The following PIWIL3 variants were observed in gnomAD, a reference collection of about 807,000 sequenced individuals.
PIWIL3 encodes the protein piwi like RNA-mediated gene silencing 3.
A neutral mutation model predicts 109.7 loss-of-function variants in PIWIL3; 101 were observed. That is an observed-to-expected ratio of 0.92 (90% CI 0.78 to 1.09). PIWIL3 has a LOEUF of 1.09. Ranked by LOEUF, PIWIL3 falls within the 50% of genes least tolerant of loss-of-function variation. PIWIL3 has a pLI of 0.00. For synonymous variants in PIWIL3, 373 were observed against 376.4 expected, an observed-to-expected ratio of 0.99 and a Z score of 0.10; for missense variants, 1,031 against 1,072.6, an observed-to-expected ratio of 0.96 and a Z score of 0.54.
intron 1 of PIWIL3, among the ~76,000 whole-genome samples, chr22:24,766,810 G>A (rs952608808): frequency 5.3e-4 from 81 of 151,956 alleles, no homozygotes; most frequent in Admixed American, 3.3e-3. Flanking sequence ...ATCTGCATGC[G>A]TTCTCAGCTT....
intron 1 of PIWIL3, among the ~76,000 whole-genome samples, chr22:24,763,016 A>G (rs1925535390): frequency 6.6e-6 from 1 of 152,022 alleles, no homozygotes; most frequent in African/African-American, 2.4e-5. Context: ...TTCCGTTACT[A>G]TTACTTCCAA....
chr22:24,744,207 A>C (rs13057149), intron 12 of PIWIL3, among the ~76,000 whole-genome samples: 4,463 of 135,068 alleles, frequency 0.033, 197 homozygotes, highest in South Asian at 0.078. Context: ...AAAAAAAAAA[A>C]CAATGATCTG....
chr22:24,773,226 A>G (rs1343002851), intron 1 of PIWIL3, among the ~76,000 whole-genome samples: 1 of 151,942 alleles, frequency 6.6e-6, no homozygotes, highest in Non-Finnish European at 1.5e-5. Context: ...CTCCATTCCA[A>G]CCATGTGGCT....
rs751534745 is a variant in PIWIL3 at position 24,734,105 on chromosome 22, A to G, written c.1686T>C (p.Tyr562=). ...ANSYIDTLRK[Y]TRPTLQMVIC... is the part of the protein sequence containing the mutation. ...TTACCATCTGCAGTGTTGGTCTAGT[A>G]TATTTCCGTAATGTGTCTATATAGG... Residue 562 remains tyrosine (Y), a synonymous_variant, in exon 14 of 21, where the codon TAT becomes TAC. Transcript: ENST00000616349. 1 of 1,612,702 alleles carries G rather than the reference A, an allele frequency of 6.2e-7. No homozygotes were observed. The highest frequency in any genetic ancestry group is 1.1e-5 in the South Asian group (1 of 90,522).
At chr22:24,768,831 T>C in intron 1 of PIWIL3, among the ~76,000 whole-genome samples, 1 of 152,206 alleles carries the variant, frequency 6.6e-6, no homozygotes, top group East Asian at 1.9e-4. Context: ...CTCAAGGAGA[T>C]GAGCATGTCT....
At chr22:24,719,947 A>G (rs377313898) in intron 19 of PIWIL3, 52 bp from the exon 20 acceptor site, 71 of 1,425,148 alleles carry the variant, frequency 5.0e-5, no homozygotes, top group Non-Finnish European at 6.6e-5. Context: ...GAGGGTATAT[A>G]GTAAACTTAA....
intron 16 of PIWIL3, among the ~76,000 whole-genome samples, chr22:24,726,849 T>C (rs1314232729): frequency 1.3e-5 from 2 of 152,320 alleles, no homozygotes; most frequent in East Asian, 3.9e-4. Context: ...TTACACCTAG[T>C]GGGCCACAAT....
intron 1 of PIWIL3, chr22:24,769,774 C>T (rs550614306): frequency 6.6e-6 from 1 of 151,204 alleles, no homozygotes; most frequent in Non-Finnish European, 1.5e-5. Flanking sequence ...CTGGCCTGGG[C>T]AACAACGGCA....
chr22:24,765,564 G>A (rs555186759), intron 1 of PIWIL3, among the ~76,000 whole-genome samples: 7 of 152,180 alleles, frequency 4.6e-5, no homozygotes, highest in East Asian at 3.9e-4. Context: ...CTTACAGATC[G>A]TGTAGATTGG....
chr22:24,760,042 T>G (rs951289596), intron 2 of PIWIL3, 53 bp from the exon 3 acceptor site: 1 of 1,604,256 alleles, frequency 6.2e-7, no homozygotes, highest in Non-Finnish European at 8.5e-7. Flanking sequence ...GTGTTCATTC[T>G]CCCTCCAAAT....
chr22:24,756,380 G>C (rs1925031176), intron 5 of PIWIL3, 111 bp downstream of exon 5: 1 of 1,031,372 alleles, frequency 9.7e-7, no homozygotes, highest in African/African-American at 1.6e-5. Context: ...ATGGGCAAGA[G>C]AGCCTTGGGA....
At chr22:24,767,134 C>G (rs1049171910) in intron 1 of PIWIL3, among the ~76,000 whole-genome samples, 3 of 151,840 alleles carry the variant, frequency 2.0e-5, no homozygotes, top group African/African-American at 7.3e-5. Flanking sequence ...GAGTGAGACT[C>G]TGTCTCAAAA....
At chr22:24,757,594 C>A (rs1431009182) in intron 4 of PIWIL3, among the ~76,000 whole-genome samples, 2 of 63,714 alleles carry the variant, frequency 3.1e-5, no homozygotes, top group Non-Finnish European at 3.5e-5. Flanking sequence ...CCAGCAAGAC[C>A]GTGTCTCTAC....
chr22:24,750,736 C>T (rs1306552455), intron 9 of PIWIL3, among the ~76,000 whole-genome samples: 2 of 150,266 alleles, frequency 1.3e-5, no homozygotes, highest in East Asian at 2.0e-4. Flanking sequence ...GATCCGCCCT[C>T]CTTGGCCTCC....
intron 18 of PIWIL3, among the ~76,000 whole-genome samples, chr22:24,723,568 A>T (rs1425997134): frequency 1.3e-5 from 2 of 152,198 alleles, no homozygotes; most frequent in Admixed American, 1.3e-4. Flanking sequence ...TAGGTTTTGT[A>T]AGTCTTAGGG....
intron 1 of PIWIL3, among the ~76,000 whole-genome samples, chr22:24,772,783 A>G (rs1447411576): frequency 6.6e-6 from 1 of 152,228 alleles, no homozygotes; most frequent in Admixed American, 6.5e-5. Context: ...TCACAATGAC[A>G]TCGGGAAGAG....
intron 1 of PIWIL3, among the ~76,000 whole-genome samples, chr22:24,770,401 T>C (rs543996077): frequency 6.6e-6 from 1 of 152,334 alleles, no homozygotes; most frequent in African/African-American, 2.4e-5. Flanking sequence ...TTAATTTTTG[T>C]AGCCTTAGCC....
intron 3 of PIWIL3, among the ~76,000 whole-genome samples, chr22:24,758,606 A>AT (rs1925232629): frequency 6.6e-6 from 1 of 152,206 alleles, no homozygotes; most frequent in African/African-American, 2.4e-5. Context: ...CGCACACGTT[A>AT]TTGTAAATCC....
At position 24,763,670 on chromosome 22, in the gene PIWIL3, C is replaced by T. The variant is rs1046850515; in HGVS notation, c.-22-1149G>A. On this transcript the variant is annotated intron_variant, in intron 1 of 20. Transcript: ENST00000616349. ...GAGACTCACAAGACACTAGGGGTTA[C>T]TACGCTTGTCTGTATGAGTCAGTTG... Among the ~76,000 whole-genome samples the T allele has an allele frequency of 3.9e-5, 6 of 152,172 alleles. 1 individual carries two copies. Among genetic ancestry groups the T allele is most frequent in the African/African-American group, 1.4e-4 (6 of 41,448 alleles).
Sources: allele counts gnomAD v4.1 joint callset (sites outside exome capture counted in the v4.1 genomes callset), GRCh38; gene constraint gnomAD v4.1.1; transcripts MANE v1.5; gene names NCBI Gene and HGNC (gene_info 2026-07-23, HGNC 2026-07-21).